The following CHRM3 variants were observed in gnomAD, a reference collection of about 807,000 sequenced individuals.
The protein encoded by CHRM3 is muscarinic acetylcholine receptor M3.
Under a neutral mutation model 41.8 loss-of-function variants are expected in CHRM3, and 11 were observed. The ratio of observed to expected loss-of-function variants is 0.26; its 90% CI spans 0.17 to 0.44. CHRM3 has a LOEUF of 0.44. Ranked by LOEUF, CHRM3 falls within the 20% of genes least tolerant of loss-of-function variation. The pLI is 1.00. For synonymous variants in CHRM3, 297 were observed against 301.4 expected (o/e 0.99, Z 0.15); for missense variants, 571 against 745.4 (o/e 0.77, Z 2.72).
chr1:239,389,462 C>T (rs1009698468), intron 1 of CHRM3, among the ~76,000 whole-genome samples: 59 of 152,016 alleles, frequency 3.9e-4, no homozygotes, highest in African/African-American at 1.3e-3. Flanking sequence ...TCATTTTTTC[C>T]TTATAAAGAC....
intron 1 of CHRM3, among the ~76,000 whole-genome samples, chr1:239,420,208 C>T (rs1039415435): frequency 1.3e-5 from 2 of 152,188 alleles, no homozygotes; most frequent in African/African-American, 4.8e-5. Context: ...TCTTTACTTA[C>T]TTCTGTCTTC....
intron 3 of CHRM3, among the ~76,000 whole-genome samples, chr1:239,552,507 T>TATATATATATATATATATATATA (rs1553325442): frequency 6.9e-6 from 1 of 145,896 alleles, no homozygotes; most frequent in African/African-American, 2.5e-5. Flanking sequence ...AATATATATT[T>TATATATATATATATATATATATA]TATATATATA....
chr1:239,867,052 T>G (rs1676172659), intron 6 of CHRM3, among the ~76,000 whole-genome samples: 1 of 152,226 alleles, frequency 6.6e-6, no homozygotes, highest in Admixed American at 6.5e-5. Context: ...GGTTGCCAGC[T>G]GCACTTCAGA....
intron 5 of CHRM3, among the ~76,000 whole-genome samples, chr1:239,693,570 A>T (rs1378158603): frequency 6.6e-6 from 1 of 152,210 alleles, no homozygotes. Context: ...TTTAGAGGCA[A>T]GTTTGCTTCT....
intron 6 of CHRM3, among the ~76,000 whole-genome samples, chr1:239,829,604 A>C (rs767673961): frequency 6.6e-6 from 1 of 152,170 alleles, no homozygotes; most frequent in Non-Finnish European, 1.5e-5. Context: ...ATCTTATAAC[A>C]GTTTTACTAA....
intron 1 of CHRM3, among the ~76,000 whole-genome samples, chr1:239,442,524 T>C (rs74149065): frequency 0.045 from 6,784 of 151,954 alleles, 485 homozygotes; most frequent in African/African-American, 0.15. Flanking sequence ...AGCCAGTGTG[T>C]GAGGCCAGAA....
intron 3 of CHRM3, among the ~76,000 whole-genome samples, chr1:239,611,667 C>A (rs1035133741): frequency 6.6e-6 from 1 of 152,092 alleles, no homozygotes; most frequent in Non-Finnish European, 1.5e-5. Context: ...GATCCGCCCG[C>A]CTTGGCCTCC....
At chr1:239,465,175 G>C (rs1273399890) in intron 1 of CHRM3, among the ~76,000 whole-genome samples, 1 of 152,050 alleles carries the variant, frequency 6.6e-6, no homozygotes, top group Non-Finnish European at 1.5e-5. Context: ...AACACGCATG[G>C]ATAGGCCAGT....
At chr1:239,435,278 C>T (rs1438617495) in intron 1 of CHRM3, among the ~76,000 whole-genome samples, 2 of 151,788 alleles carry the variant, frequency 1.3e-5, no homozygotes, top group East Asian at 1.9e-4. Context: ...CATGAAACCC[C>T]GTCTCTACTA....
chr1:239,781,032 A>G (rs1409942738), intron 5 of CHRM3, among the ~76,000 whole-genome samples: 2 of 152,186 alleles, frequency 1.3e-5, no homozygotes, highest in Non-Finnish European at 2.9e-5. Context: ...GTCTTGAAGT[A>G]AGATGGTATC....
intron 1 of CHRM3, among the ~76,000 whole-genome samples, chr1:239,439,552 A>G (rs1663543423): frequency 6.6e-6 from 1 of 152,192 alleles, no homozygotes; most frequent in African/African-American, 2.4e-5. Context: ...AGGGTGAGAA[A>G]GCATTTATTG....
intron 3 of CHRM3, among the ~76,000 whole-genome samples, chr1:239,578,056 A>C (rs754922568): frequency 6.6e-6 from 1 of 152,176 alleles, no homozygotes; most frequent in Non-Finnish European, 1.5e-5. Flanking sequence ...ATGGAAAACT[A>C]ATGGTTTGAT....
chr1:239,807,968 T>G (rs1670794858), intron 5 of CHRM3, among the ~76,000 whole-genome samples: 1 of 152,218 alleles, frequency 6.6e-6, no homozygotes, highest in Non-Finnish European at 1.5e-5. Flanking sequence ...TTCTTCCCTC[T>G]GTTTCAAGCT....
intron 5 of CHRM3, among the ~76,000 whole-genome samples, chr1:239,694,612 A>G (rs181543994): frequency 6.4e-4 from 98 of 152,300 alleles, no homozygotes; most frequent in African/African-American, 2.3e-3. Context: ...ATTTAAAAAT[A>G]TTGTATTTCA....
intron 5 of CHRM3, among the ~76,000 whole-genome samples, chr1:239,799,551 T>G (rs1186366447): frequency 6.6e-6 from 1 of 152,144 alleles, no homozygotes; most frequent in Admixed American, 6.6e-5. Flanking sequence ...TCCATCAATG[T>G]ACCCATGTCC....
Position 239,570,271 on chromosome 1 carries a change from G to A in CHRM3, c.-313+24522G>A, listed in dbSNP as rs114256001. ...TCCTTCCTGCCACCTTGTGAAGAAAGTGCTTGTTTCCCCTTCATCTACTGC... is the reference window on the plus strand; with the variant it reads ...TCCTTCCTGCCACCTTGTGAAGAAAATGCTTGTTTCCCCTTCATCTACTGC... On this transcript the variant is annotated intron_variant, in intron 3 of 6. Transcript: ENST00000676153. Among the ~76,000 whole-genome samples, 553 of 152,264 alleles carry A rather than the reference G, an allele frequency of 3.6e-3. 4 individuals carry two copies. Among genetic ancestry groups the A allele is most frequent in the African/African-American group, 0.012 (503 of 41,550 alleles).
intron 6 of CHRM3, among the ~76,000 whole-genome samples, chr1:239,828,938 A>C (rs1284176260): frequency 6.6e-6 from 1 of 152,180 alleles, no homozygotes; most frequent in East Asian, 1.9e-4. Flanking sequence ...GGCAAATTTA[A>C]AGTAGAGCCA....
At chr1:239,528,435 A>G (rs1346566828) in intron 2 of CHRM3, among the ~76,000 whole-genome samples, 1 of 152,232 alleles carries the variant, frequency 6.6e-6, no homozygotes, top group Non-Finnish European at 1.5e-5. Flanking sequence ...AGTGCAGGGC[A>G]TGATGGTGAC....
At chr1:239,438,985 A>G (rs992540538) in intron 1 of CHRM3, among the ~76,000 whole-genome samples, 1 of 152,194 alleles carries the variant, frequency 6.6e-6, no homozygotes, top group African/African-American at 2.4e-5. Context: ...TCCTTCATGA[A>G]CATAATAATT....
Sources: allele counts gnomAD v4.1 joint callset (sites outside exome capture counted in the v4.1 genomes callset), GRCh38; gene constraint gnomAD v4.1.1; transcripts MANE v1.5; gene names NCBI Gene and HGNC (gene_info 2026-07-23, HGNC 2026-07-21).